The following MTRES1 variants were observed in gnomAD, a reference collection of about 807,000 sequenced individuals.
MTRES1 encodes the protein mitochondrial transcription rescue factor 1.
A neutral mutation model predicts 17.4 loss-of-function variants in MTRES1; 11 were observed. The ratio of observed to expected loss-of-function variants is 0.63; its 90% confidence interval spans 0.40 to 1.05. The LOEUF (loss-of-function observed/expected upper bound fraction) is 1.05. MTRES1 is among the 50% of genes least tolerant of loss of function. MTRES1 has a pLI of 0.00. For synonymous variants in MTRES1, 94 were observed against 99.6 expected (o/e 0.94, Z 0.34); for missense variants, 268 against 276.2 (o/e 0.97, Z 0.21).
chr6:107,029,454 T>C (rs2114933558), intron 1 of MTRES1, among the ~76,000 whole-genome samples: 1 of 151,934 alleles, frequency 6.6e-6, no homozygotes, highest in Admixed American at 6.6e-5. Context: ...CCGACAGTGC[T>C]GGGATTACAG....
At chr6:107,044,771 T>C (rs902361379) in intron 3 of MTRES1, among the ~76,000 whole-genome samples, 1 of 152,208 alleles carries the variant, frequency 6.6e-6, no homozygotes, top group Non-Finnish European at 1.5e-5. Flanking sequence ...CGGCTTTGTG[T>C]GCAGAGCAGT....
At chr6:107,031,390 AAAAAAAAAAG>A (rs1225885788) in intron 1 of MTRES1, among the ~76,000 whole-genome samples, 51 of 149,798 alleles carry the variant, frequency 3.4e-4, no homozygotes, top group African/African-American at 1.2e-3. Context: ...TGTCTCAAAA[AAAAAAAAAAG>A]AAAAAAAAAG....
intron 1 of MTRES1, among the ~76,000 whole-genome samples, chr6:107,029,842 G>A (rs927192573): frequency 2.0e-5 from 3 of 152,012 alleles, no homozygotes; most frequent in African/African-American, 7.2e-5. Context: ...TTGGACACAA[G>A]CGAGTCTCCT....
intron 3 of MTRES1, 121 bp downstream of exon 3, chr6:107,044,453 T>C (rs1554228179): frequency 1.4e-6 from 1 of 730,982 alleles, no homozygotes; most frequent in Non-Finnish European, 2.4e-6. Context: ...TCCTTTGTGG[T>C]CCTCCACGTC....
Position 107,051,044 on chromosome 6 carries a change from T to G in MTRES1, c.544-13T>G. The G allele has an allele frequency of 7.3e-7, 1 of 1,374,820 alleles. No individual in the cohort carries two copies. Among genetic ancestry groups the G allele is most frequent in the Non-Finnish European group, 9.9e-7 (1 of 1,013,768 alleles). The allele number at this position is 1,374,820 out of a possible 1,614,324, so 85.2% of individuals were successfully genotyped here. On this transcript the variant is annotated splice_polypyrimidine_tract_variant and intron_variant, in intron 3 of 3. Coordinates refer to ENST00000311381, the MANE Select transcript of MTRES1 (RefSeq NM_016487.5). ...GAAGTGTAACCAAGCCTCTGTTTTC[T>G]TTTAATTTTCAGGTGAAAGTGGGAG...
intron 1 of MTRES1, among the ~76,000 whole-genome samples, chr6:107,033,760 G>C (rs931489810): frequency 6.6e-6 from 1 of 152,124 alleles, no homozygotes. Flanking sequence ...AGAGCTTGCA[G>C]TGAGCTGAGA....
chr6:107,036,528 C>T (rs1257988060), intron 1 of MTRES1, among the ~76,000 whole-genome samples: 11 of 150,572 alleles, frequency 7.3e-5, no homozygotes, highest in African/African-American at 1.7e-4. Context: ...CAAACAAGAG[C>T]GAAACTCCAT....
intron 2 of MTRES1, among the ~76,000 whole-genome samples, chr6:107,041,467 T>C (rs781868853): frequency 1.3e-5 from 2 of 152,184 alleles, no homozygotes; most frequent in Non-Finnish European, 2.9e-5. Flanking sequence ...TTGGCTATTT[T>C]GAAGAAAATA....
At chr6:107,045,483 CAAA>C (rs61396424) in intron 3 of MTRES1, among the ~76,000 whole-genome samples, 9 of 132,036 alleles carry the variant, frequency 6.8e-5, no homozygotes, top group Admixed American at 1.5e-4. Context: ...GACTTCGTCT[CAAA>C]AAAAAAAAAA....
chr6:107,030,001 T>TC, intron 1 of MTRES1: 1 of 686,340 alleles, frequency 1.5e-6, no homozygotes, highest in Non-Finnish European at 2.7e-6. Context: ...GTTTTTTTTT[T>TC]TGTCTACCTG....
intron 2 of MTRES1, 42 bp from the exon 3 acceptor site, chr6:107,044,218 T>A: frequency 1.4e-6 from 2 of 1,437,692 alleles, no homozygotes; most frequent in Non-Finnish European, 2.0e-6. Context: ...AGTGTACCCA[T>A]CACCCAAATT....
intron 1 of MTRES1, among the ~76,000 whole-genome samples, chr6:107,038,855 G>C (rs953911803): frequency 6.6e-6 from 1 of 152,080 alleles, no homozygotes; most frequent in South Asian, 2.1e-4. Flanking sequence ...GGGAGTTCAA[G>C]ACCAGCCTGA....
rs376578503 is a variant in MTRES1 at position 107,044,079 on chromosome 6, G to A, written c.471-181G>A. On this transcript the variant is annotated intron_variant, in intron 2 of 3. Transcript: ENST00000311381. Reference sequence around the variant, plus strand: ...GGAGGTTGCAGTGAGCCGAGATGGCGCCACTGCACTCCAGCTTGGGCAACA... The same window carrying A: ...GGAGGTTGCAGTGAGCCGAGATGGCACCACTGCACTCCAGCTTGGGCAACA... 1.6e-4 allele frequency among the ~76,000 whole-genome samples: 25 copies of A among 152,260 alleles called. 1 individual carries two copies. The Middle Eastern group carries it at 0.017, about 104-fold the overall frequency.
intron 2 of MTRES1, among the ~76,000 whole-genome samples, chr6:107,041,402 AT>A (rs1774210816): frequency 6.6e-6 from 1 of 152,200 alleles, no homozygotes. Flanking sequence ...GTGACTATAT[AT>A]TTATGTCAAA....
intron 2 of MTRES1, among the ~76,000 whole-genome samples, chr6:107,042,212 C>T (rs747411213): frequency 1.9e-4 from 29 of 151,646 alleles, no homozygotes; most frequent in Non-Finnish European, 3.2e-4. Context: ...TGGTGGCAGG[C>T]GCCTGTGGTT....
chr6:107,031,317 G>A (rs1217847517), intron 1 of MTRES1, among the ~76,000 whole-genome samples: 1 of 150,706 alleles, frequency 6.6e-6, no homozygotes, highest in African/African-American at 2.4e-5. Flanking sequence ...GGGAGGCAGA[G>A]GTTGCAGTGA....
At chr6:107,044,572 A>G (rs539862367) in intron 3 of MTRES1, among the ~76,000 whole-genome samples, 1 of 152,048 alleles carries the variant, frequency 6.6e-6, no homozygotes, top group Admixed American at 6.6e-5. Flanking sequence ...AGAATACACC[A>G]CTGTTAGAAC....
At chr6:107,029,029 TTG>T in intron 1 of MTRES1, 2 of 288,638 alleles carry the variant, frequency 6.9e-6, no homozygotes, top group African/African-American at 2.3e-5. Flanking sequence ...TTGTTTTGTT[TTG>T]TTTTGTTTTT....
At position 107,039,977 on chromosome 6, in the gene MTRES1, T is replaced by G; in HGVS notation, c.217T>G (p.Ser73Ala). 2 of 1,613,920 alleles carry G rather than the reference T, an allele frequency of 1.2e-6. No individual in the cohort carries two copies. Among genetic ancestry groups the G allele is most frequent in the South Asian group, 2.2e-5 (2 of 91,028 alleles). ...FSLRLPGLLLSPECIFPFSVR... is the reference protein window; with the variant it reads ...FSLRLPGLLLAPECIFPFSVR... ...ACTGAGACTCCCAGGGCTTTTACTATCTCCAGAATGTATTTTTCCTTTTTC... is the reference window on the plus strand; with the variant it reads ...ACTGAGACTCCCAGGGCTTTTACTAGCTCCAGAATGTATTTTTCCTTTTTC... The change falls in exon 2 of 4, where the codon TCT becomes GCT. Residue 73 changes from serine to alanine, a missense_variant. Coordinates refer to ENST00000311381, the MANE Select transcript of MTRES1 (RefSeq NM_016487.5).
Sources: allele counts gnomAD v4.1 joint callset (sites outside exome capture counted in the v4.1 genomes callset), GRCh38; gene constraint gnomAD v4.1.1; transcripts MANE v1.5; gene names NCBI Gene and HGNC (gene_info 2026-07-23, HGNC 2026-07-21).